The following C1orf21 variants were observed in gnomAD, a reference collection of about 807,000 sequenced individuals.
C1orf21 encodes the protein uncharacterized protein C1orf21.
A neutral mutation model predicts 18.7 loss-of-function variants in C1orf21; 3 were observed. The ratio of observed to expected loss-of-function variants is 0.16; its 90% CI spans 0.07 to 0.42. The LOEUF is 0.42. C1orf21 is among the 10% of genes least tolerant of loss of function. C1orf21 has a pLI of 0.99. For missense variants in C1orf21, 104 were observed against 143.6 expected (o/e 0.72, Z 1.41); for synonymous variants, 41 against 46.4 (o/e 0.88, Z 0.47).
At chr1:184,575,528 TAGA>T (rs952537220) in intron 3 of C1orf21, among the ~76,000 whole-genome samples, 1 of 145,704 alleles carries the variant, frequency 6.9e-6, no homozygotes, top group East Asian at 2.0e-4. Flanking sequence ...ATAGAAGTGC[TAGA>T]AGAAGTAATA....
intron 1 of C1orf21, among the ~76,000 whole-genome samples, chr1:184,405,811 G>A (rs1656239216): frequency 6.6e-6 from 1 of 152,154 alleles, no homozygotes; most frequent in South Asian, 2.1e-4. Flanking sequence ...CCTGGGAGCT[G>A]TTAGACTTGC....
rs74131682 is a variant in C1orf21 at position 184,460,623 on chromosome 1, T to A, written c.-124-16763T>A. Among the ~76,000 whole-genome samples the A allele has an allele frequency of 6.1e-4, 8 of 13,028 alleles. No homozygotes were observed. In the Admixed American group the frequency reaches 6.5e-3, roughly 11 times the overall value. The allele number at this position is 13,028 out of a possible 152,430, so 8.5% of individuals were successfully genotyped here. A position where few individuals can be genotyped will look rare whatever the true frequency, so the allele number is the denominator to read the frequency against. On this transcript the variant is annotated intron_variant, in intron 1 of 5. Coordinates refer to ENST00000235307, the MANE Select transcript of C1orf21 (RefSeq NM_030806.4). ...GGCTGTTAGTATTGTCGTCGTCGTC[T>A]TCTTCTTCTTCTTCTTCTTCTTCTT...
chr1:184,531,241 C>T (rs532247116), intron 3 of C1orf21, among the ~76,000 whole-genome samples: 7 of 152,252 alleles, frequency 4.6e-5, no homozygotes, highest in Admixed American at 2.6e-4. Flanking sequence ...TCTGGAAAAT[C>T]GACTGTCTTT....
At position 184,622,026 on chromosome 1, in the gene C1orf21, A is replaced by G. The variant is rs1292369779; in HGVS notation, c.*2470A>G. 6.6e-6 allele frequency: 1 copy of G among 152,262 alleles called. No homozygotes were observed. Among genetic ancestry groups the G allele is most frequent in the African/African-American group, 2.4e-5 (1 of 41,464 alleles). 9.4% of individuals were successfully genotyped at this position (152,262 alleles called of 1,614,324 possible). A position where few individuals can be genotyped will look rare whatever the true frequency, so the allele number is the denominator to read the frequency against. On this transcript the variant is annotated 3_prime_UTR_variant, in exon 6 of 6. Coordinates refer to ENST00000235307, the MANE Select transcript of C1orf21 (RefSeq NM_030806.4). ...GTTGGTTTTAATCATAAAATTGTCA[A>G]GTGATTCGTGTTTGTACTTTATTTT... is the stretch of plus-strand genomic sequence containing the variant.
intron 1 of C1orf21, among the ~76,000 whole-genome samples, chr1:184,443,297 C>T (rs1336377817): frequency 6.6e-6 from 1 of 152,184 alleles, no homozygotes; most frequent in Non-Finnish European, 1.5e-5. Flanking sequence ...TCTCACCCAA[C>T]CTGCTTTTTG....
At chr1:184,404,345 G>A (rs1238759286) in intron 1 of C1orf21, among the ~76,000 whole-genome samples, 1 of 152,060 alleles carries the variant, frequency 6.6e-6, no homozygotes, top group East Asian at 1.9e-4. Context: ...AATTTATAAA[G>A]AACAAAAATT....
intron 3 of C1orf21, among the ~76,000 whole-genome samples, chr1:184,565,020 C>A (rs764704905): frequency 2.0e-4 from 31 of 152,150 alleles, no homozygotes; most frequent in Non-Finnish European, 3.7e-4. Flanking sequence ...TTTACTCTCT[C>A]TAGACGTTAG....
chr1:184,497,010 C>T (rs1384125483), intron 2 of C1orf21, among the ~76,000 whole-genome samples: 1 of 152,194 alleles, frequency 6.6e-6, no homozygotes, highest in Non-Finnish European at 1.5e-5. Context: ...TGCATCAGCT[C>T]TATGTCCTCA....
chr1:184,607,905 A>G (rs1485704777), intron 5 of C1orf21, among the ~76,000 whole-genome samples: 1 of 149,898 alleles, frequency 6.7e-6, no homozygotes, highest in South Asian at 2.1e-4. Context: ...TTCAACAAAT[A>G]TTTATTAAGC....
At chr1:184,585,383 C>T (rs1659338315) in intron 3 of C1orf21, among the ~76,000 whole-genome samples, 1 of 152,236 alleles carries the variant, frequency 6.6e-6, no homozygotes, top group Admixed American at 6.5e-5. Context: ...GTATTCTCCA[C>T]TGCTGTTTTC....
intron 2 of C1orf21, among the ~76,000 whole-genome samples, chr1:184,491,647 C>A (rs535600175): frequency 6.6e-6 from 1 of 152,152 alleles, no homozygotes; most frequent in South Asian, 2.1e-4. Flanking sequence ...CCACTGTGCC[C>A]GGCCCTTTTC....
In C1orf21 at chr1:184,410,416, CGA is replaced by C. The variant is rs141154834; in HGVS notation, c.-125+23052_-125+23053del. Among the ~76,000 whole-genome samples, 1,051 of 150,332 alleles carry C rather than the reference CGA, an allele frequency of 7.0e-3. 8 individuals carry two copies. The highest frequency in any genetic ancestry group is 0.024 in the African/African-American group (992 of 40,554). The stretch of plus-strand genomic sequence containing the variant: ...TTCAGTCTCGATTTAGTGTGCAAAA[CGA>C]GAGTCAATTTGTTTCCAGGTGGACA... On this transcript the variant is annotated intron_variant, in intron 1 of 5. Coordinates refer to ENST00000235307, the MANE Select transcript of C1orf21 (RefSeq NM_030806.4).
chr1:184,504,823 T>C (rs566846653), intron 2 of C1orf21, among the ~76,000 whole-genome samples: 3 of 152,294 alleles, frequency 2.0e-5, no homozygotes, highest in South Asian at 2.1e-4. Context: ...TCCAATCTTA[T>C]TGTGTTCCTC....
chr1:184,543,024 C>A (rs1320556137), intron 3 of C1orf21, among the ~76,000 whole-genome samples: 1 of 152,196 alleles, frequency 6.6e-6, no homozygotes, highest in African/African-American at 2.4e-5. Context: ...CCTTAGAGAA[C>A]CCTGAGCATG....
chr1:184,399,389 G>T (rs1656113812), intron 1 of C1orf21, among the ~76,000 whole-genome samples: 1 of 127,818 alleles, frequency 7.8e-6, no homozygotes, highest in African/African-American at 3.0e-5. Flanking sequence ...TTGAGACAAG[G>T]TCTGACTCTA....
chr1:184,469,105 C>T (rs1454865815), intron 1 of C1orf21, among the ~76,000 whole-genome samples: 4 of 151,746 alleles, frequency 2.6e-5, no homozygotes, highest in Non-Finnish European at 4.4e-5. Context: ...AAAAAGTCAG[C>T]CAGGCATGGT....
chr1:184,590,962 A>T, intron 4 of C1orf21, 147 bp downstream of exon 4: 1 of 685,244 alleles, frequency 1.5e-6, no homozygotes, highest in African/African-American at 1.8e-5. Flanking sequence ...AACTTGCCGC[A>T]CACCAAGTAC....
intron 3 of C1orf21, among the ~76,000 whole-genome samples, chr1:184,541,659 G>A (rs1001904512): frequency 6.6e-6 from 1 of 152,184 alleles, no homozygotes; most frequent in African/African-American, 2.4e-5. Flanking sequence ...AATCTTAATT[G>A]TTTACAGTGC....
chr1:184,600,562 A>C (rs1659573236), intron 5 of C1orf21, among the ~76,000 whole-genome samples: 1 of 152,208 alleles, frequency 6.6e-6, no homozygotes, highest in South Asian at 2.1e-4. Flanking sequence ...TTGCTTTTGC[A>C]TCCAGAATGT....
Sources: gnomAD v4.1 joint callset for allele counts (sites outside exome capture counted in the v4.1 genomes callset) on GRCh38, gnomAD v4.1.1 for gene constraint, MANE v1.5 for transcripts, NCBI Gene and HGNC (gene_info 2026-07-23, HGNC 2026-07-21) for gene names.